The following DGAT2L6 variants were observed in gnomAD, a reference collection of about 807,000 sequenced individuals.
DGAT2L6 encodes diacylglycerol O-acyltransferase 2 like 6.
In DGAT2L6, 22 loss-of-function variants were observed where a neutral mutation model predicts 25.5. That is an observed-to-expected ratio of 0.86 (90% CI 0.62 to 1.23). DGAT2L6 has a LOEUF of 1.23. Among genes scored for constraint, DGAT2L6 ranks in the 50% most tolerant of loss-of-function variants. DGAT2L6 has a pLI of 0.00. For missense variants in DGAT2L6, 287 were observed against 253.2 expected (o/e 1.13, Z -0.91); for synonymous variants, 100 against 94.7 (o/e 1.06, Z -0.32).
intron 1 of DGAT2L6, among the ~76,000 whole-genome samples, chrX:70,189,503 G>T (rs1047575821): frequency 3.6e-5 from 4 of 112,013 alleles, no homozygotes; most frequent in African/African-American, 1.3e-4. Context: ...GACATACCAT[G>T]TTCACAGATT....
chrX:70,193,995 C>A (rs1200656982), intron 1 of DGAT2L6, among the ~76,000 whole-genome samples: 2 of 111,699 alleles, frequency 1.8e-5, no homozygotes. Context: ...ATATAGAAAA[C>A]CCTAAAGCCT....
intron 1 of DGAT2L6, among the ~76,000 whole-genome samples, chrX:70,180,330 T>A (rs2085339591): frequency 9.1e-6 from 1 of 110,337 alleles, no homozygotes; most frequent in Admixed American, 9.7e-5. Flanking sequence ...GTGCCTGTAG[T>A]CCTAGCTACT....
Position 70,201,940 on chromosome X carries a change from G to A in DGAT2L6, c.523G>A (p.Gly175Ser), listed in dbSNP as rs1389496272. 4 of 1,208,389 alleles carry A rather than the reference G, an allele frequency of 3.3e-6. No individual in the cohort carries two copies. Among genetic ancestry groups the A allele is most frequent in the Non-Finnish European group, 4.5e-6 (4 of 894,001 alleles). Reference sequence around the variant, plus strand: ...CTTGAAGTACTTGCTGACCCAGAAAGGCTCAGGCAATGCCGTGGTTATTGT... The same window carrying A: ...CTTGAAGTACTTGCTGACCCAGAAAAGCTCAGGCAATGCCGTGGTTATTGT... ...SALKYLLTQKGSGNAVVIVVG... is the reference protein window; with the variant it reads ...SALKYLLTQKSSGNAVVIVVG... The change falls in exon 5 of 7, where the codon GGC (glycine) becomes AGC (serine). Residue 175 changes from glycine to serine, a missense_variant. Physicochemically the swap from Gly to Ser is moderately conservative, Grantham distance 56. Transcript: ENST00000333026.
Position 70,204,312 on chromosome X carries a change from C to G in DGAT2L6, c.655C>G (p.Leu219Val). 1 of 1,204,523 alleles carries G rather than the reference C, an allele frequency of 8.3e-7. No individual in the cohort carries two copies. ...VKMALQTGAY[L>V]VPSYSFGENE... ...CTGCCCCTCTCTTTGCAGGGCATACCTTGTCCCTTCATATTCCTTTGGTGA... is the reference window on the plus strand; with the variant it reads ...CTGCCCCTCTCTTTGCAGGGCATACGTTGTCCCTTCATATTCCTTTGGTGA... Residue 219 changes from leucine (L) to valine (V), a missense_variant, in exon 6 of 7, where the codon CTT (leucine) becomes GTT (valine). By Grantham distance (32) the Leu-to-Val change is conservative. Coordinates refer to ENST00000333026, the MANE Select transcript of DGAT2L6 (RefSeq NM_198512.3).
chrX:70,197,531 A>G (rs903041169), intron 1 of DGAT2L6, among the ~76,000 whole-genome samples: 2 of 112,141 alleles, frequency 1.8e-5, no homozygotes, highest in African/African-American at 6.5e-5. Context: ...TTAAAATAAC[A>G]TCACATTTAA....
In DGAT2L6 at chrX:70,191,560, T is replaced by C. The variant is rs1202703379; in HGVS notation, c.86-7711T>C. Reference sequence around the variant, plus strand: ...CAAATGAATCTACTAATTATGGGTGTCCCATAATTTAGGAGAAGAAAAAGA... The same window carrying C: ...CAAATGAATCTACTAATTATGGGTGCCCCATAATTTAGGAGAAGAAAAAGA... On this transcript the variant is annotated intron_variant, in intron 1 of 6. Transcript: ENST00000333026. 4.5e-5 allele frequency among the ~76,000 whole-genome samples: 5 copies of C among 111,314 alleles called. No individual in the cohort carries two copies. The East Asian group carries it at 1.4e-3, about 31-fold the overall frequency.
At chrX:70,193,696 C>G (rs113477939) in intron 1 of DGAT2L6, among the ~76,000 whole-genome samples, 14,811 of 111,405 alleles carry the variant, frequency 0.13, 900 homozygotes, top group Middle Eastern at 0.2. Flanking sequence ...CAAAATTTAA[C>G]ATCTTTCCAT....
At chrX:70,202,792 T>C (rs1051679093) in intron 5 of DGAT2L6, among the ~76,000 whole-genome samples, 2 of 111,809 alleles carry the variant, frequency 1.8e-5, no homozygotes, top group Non-Finnish European at 3.8e-5. Context: ...ATGATCCTGT[T>C]AAACATGAGT....
chrX:70,189,669 G>A (rs1264977352), intron 1 of DGAT2L6, among the ~76,000 whole-genome samples: 1 of 111,800 alleles, frequency 8.9e-6, no homozygotes, highest in East Asian at 2.8e-4. Flanking sequence ...GGTGCTATAA[G>A]GGAAGAGAAT....
chrX:70,199,849 A>G lies in DGAT2L6; in HGVS notation c.234A>G (p.Leu78=), dbSNP rs753377531. ...RRSAWVRNWT[L]WKYFRNYFPV... is the part of the protein sequence containing the mutation. ...CAGCTTGGGTACGAAACTGGACCCT[A>G]TGGAAGTATTTCCGAAATTACTTCC... The change falls in exon 3 of 7, where the codon CTA becomes CTG. Residue 78 remains leucine, a synonymous_variant. Transcript: ENST00000333026. 8.3e-7 allele frequency: 1 copy of G among 1,211,327 alleles called. No homozygotes were observed. The highest frequency in any genetic ancestry group is 1.1e-6 in the Non-Finnish European group (1 of 895,356).
chrX:70,197,510 C>T lies in DGAT2L6; in HGVS notation c.86-1761C>T, dbSNP rs1406983729. 2.7e-5 allele frequency among the ~76,000 whole-genome samples: 3 copies of T among 111,870 alleles called. No individual in the cohort carries two copies. In the South Asian group the frequency reaches 1.1e-3, roughly 42 times the overall value. Reference sequence around the variant, plus strand: ...TCAGATAAAAGGCACACAACTAATCCGTCTATGCTTTTAAAATAACATCAC... The same window carrying T: ...TCAGATAAAAGGCACACAACTAATCTGTCTATGCTTTTAAAATAACATCAC... On this transcript the variant is annotated intron_variant, in intron 1 of 6. Transcript: ENST00000333026.
intron 5 of DGAT2L6, among the ~76,000 whole-genome samples, chrX:70,202,992 G>T (rs1057469304): frequency 8.9e-6 from 1 of 111,844 alleles, no homozygotes; most frequent in African/African-American, 3.3e-5. Context: ...GGTCCCTCAA[G>T]CAGGCCACCC....
Position 70,177,548 on chromosome X carries a change from T to TA in DGAT2L6, c.-34dup, listed in dbSNP as rs2085330627. Reference sequence around the variant, plus strand: ...GCTTAAGAAGTTTTGACCTTCTGGTTAGGCTTCTTGCCACAACAGAACAGC... The same window carrying TA: ...GCTTAAGAAGTTTTGACCTTCTGGTTAAGGCTTCTTGCCACAACAGAACAGC... On this transcript the variant is annotated 5_prime_UTR_variant, in exon 1 of 7. Coordinates refer to ENST00000333026, the MANE Select transcript of DGAT2L6 (RefSeq NM_198512.3). 2 of 1,178,390 alleles carry TA rather than the reference T, an allele frequency of 1.7e-6. No individual in the cohort carries two copies. The highest frequency in any genetic ancestry group is 6.0e-5 in the East Asian group (2 of 33,480).
At chrX:70,196,502 AGAAAG>A (rs2085392045) in intron 1 of DGAT2L6, among the ~76,000 whole-genome samples, 9 of 103,062 alleles carry the variant, frequency 8.7e-5, no homozygotes, top group Non-Finnish European at 1.2e-4. Flanking sequence ...AAAAAAAAAA[AGAAAG>A]AAAAAAGAAA....
chrX:70,197,000 TC>T (rs2085394419), intron 1 of DGAT2L6, among the ~76,000 whole-genome samples: 1 of 110,915 alleles, frequency 9.0e-6, no homozygotes, highest in Non-Finnish European at 1.9e-5. Context: ...TCTTTTCTTT[TC>T]CCCCAGTGCA....
Position 70,181,104 on chromosome X carries a change from T to C in DGAT2L6, c.85+3437T>C, listed in dbSNP as rs192500115. Among the ~76,000 whole-genome samples, 399 of 112,498 alleles carry C rather than the reference T, an allele frequency of 3.5e-3. 5 individuals are homozygous for C. Among genetic ancestry groups the C allele is most frequent in the African/African-American group, 0.012 (369 of 30,982 alleles). ...CTGGATCACACAGTAATTCTGTTTT[T>C]ATTTTTATTTTTTGGAATTGCCATC... is the stretch of plus-strand genomic sequence containing the variant. On this transcript the variant is annotated intron_variant, in intron 1 of 6. Coordinates refer to ENST00000333026, the MANE Select transcript of DGAT2L6 (RefSeq NM_198512.3).
intron 1 of DGAT2L6, among the ~76,000 whole-genome samples, chrX:70,186,954 G>A (rs1161713822): frequency 1.8e-5 from 2 of 112,035 alleles, no homozygotes; most frequent in African/African-American, 6.5e-5. Context: ...TCTGTCAGCA[G>A]TTGGAAAATA....
rs190688849 is a variant in DGAT2L6 at position 70,187,673 on chromosome X, T to A, written c.85+10006T>A. Among the ~76,000 whole-genome samples, 11 of 112,562 alleles carry A rather than the reference T, an allele frequency of 9.8e-5. 1 individual carries two copies. The highest frequency in any genetic ancestry group is 2.1e-4 in the Non-Finnish European group (11 of 53,342). ...AGAGACAGACTTGCATTTAATGCAC[T>A]GGCTGCATCATGGCTCAAATGGAAG... On this transcript the variant is annotated intron_variant, in intron 1 of 6. Coordinates refer to ENST00000333026, the MANE Select transcript of DGAT2L6 (RefSeq NM_198512.3).
intron 1 of DGAT2L6, among the ~76,000 whole-genome samples, chrX:70,185,751 A>G (rs1194895035): frequency 9.0e-6 from 1 of 111,632 alleles, no homozygotes; most frequent in Non-Finnish European, 1.9e-5. Context: ...TTACTGAATT[A>G]TTAAATTACC....
Sources: gnomAD v4.1 joint callset for allele counts (sites outside exome capture counted in the v4.1 genomes callset) on GRCh38, gnomAD v4.1.1 for gene constraint, MANE v1.5 for transcripts, NCBI Gene and HGNC (gene_info 2026-07-23, HGNC 2026-07-21) for gene names.